The following DOCK1 variants were observed in gnomAD, a reference collection of about 807,000 sequenced individuals.
DOCK1 encodes dedicator of cytokinesis 1.
In DOCK1, 138 loss-of-function variants were observed where a neutral mutation model predicts 262.7. The ratio of observed to expected loss-of-function variants is 0.53; its 90% confidence interval spans 0.46 to 0.61. The LOEUF is 0.61. DOCK1 is among the 20% of genes least tolerant of loss of function. The pLI, the probability that DOCK1 is intolerant of heterozygous loss-of-function variation, is 0.00. For missense variants in DOCK1, 1,908 were observed against 2,370.7 expected (o/e 0.80, Z 4.05); for synonymous variants, 866 against 867.4 (o/e 1.00, Z 0.03).
intron 2 of DOCK1, among the ~76,000 whole-genome samples, chr10:126,977,668 C>A (rs1033531343): frequency 6.6e-6 from 1 of 152,178 alleles, no homozygotes; most frequent in East Asian, 1.9e-4. Context: ...AACTGTGCAT[C>A]TGAACTTCAA....
intron 32 of DOCK1, among the ~76,000 whole-genome samples, chr10:127,361,398 G>T (rs371473835): frequency 1.3e-5 from 2 of 152,172 alleles, no homozygotes; most frequent in African/African-American, 4.8e-5. Flanking sequence ...ACAGGCGTGA[G>T]CCACCACACC....
At chr10:127,301,691 A>G (rs1369860447) in intron 29 of DOCK1, among the ~76,000 whole-genome samples, 4 of 152,260 alleles carry the variant, frequency 2.6e-5, no homozygotes, top group Middle Eastern at 3.4e-3. Flanking sequence ...CATGCCTGTA[A>G]TCCCAGCACT....
intron 17 of DOCK1, 105 bp from the exon 18 acceptor site, chr10:127,032,032 A>G (rs923935426): frequency 1.2e-5 from 17 of 1,366,146 alleles, no homozygotes; most frequent in Non-Finnish European, 1.4e-5. Context: ...ATATGATACA[A>G]AGCAATTACG....
At chr10:127,127,432 CTTAAA>C (rs1263636589) in intron 26 of DOCK1, among the ~76,000 whole-genome samples, 2 of 152,176 alleles carry the variant, frequency 1.3e-5, no homozygotes, top group African/African-American at 4.8e-5. Flanking sequence ...TTAAGGTTTG[CTTAAA>C]TTAAATTACT....
intron 21 of DOCK1, among the ~76,000 whole-genome samples, chr10:127,050,405 TTACCCTC>T (rs55910565): frequency 0.19 from 29,119 of 151,814 alleles, 3,025 homozygotes; most frequent in East Asian, 0.27. Flanking sequence ...TATTGCCACT[TTACCCTC>T]TAAAAAATTT....
At chr10:127,272,276 A>G (rs936399806) in intron 29 of DOCK1, 6 of 152,208 alleles carry the variant, frequency 3.9e-5, no homozygotes, top group Non-Finnish European at 7.3e-5. Context: ...TGATCTTTTC[A>G]GTTCAGTGGA....
intron 38 of DOCK1, among the ~76,000 whole-genome samples, chr10:127,393,838 T>C (rs562993702): frequency 1.3e-5 from 2 of 152,314 alleles, no homozygotes; most frequent in African/African-American, 4.8e-5. Context: ...CTCTGCAAAA[T>C]GTCATTTCCA....
intron 29 of DOCK1, among the ~76,000 whole-genome samples, chr10:127,309,659 G>T (rs2061993656): frequency 6.6e-6 from 1 of 152,040 alleles, no homozygotes; most frequent in Non-Finnish European, 1.5e-5. Context: ...TCTGCATATG[G>T]CTAGCCAGTT....
At chr10:127,415,370 A>C in intron 44 of DOCK1, 132 bp downstream of exon 44, 1 of 727,148 alleles carries the variant, frequency 1.4e-6, no homozygotes. Context: ...AGTTCCCATA[A>C]CCACCCCACC....
At chr10:127,037,684 C>G (rs1156489261) in intron 18 of DOCK1, 35 bp from the exon 19 acceptor site, 1 of 1,527,508 alleles carries the variant, frequency 6.5e-7, no homozygotes, top group African/African-American at 1.4e-5. Context: ...GAGTTTCTTG[C>G]TTGTGAAGAT....
intron 46 of DOCK1, among the ~76,000 whole-genome samples, chr10:127,422,228 G>A (rs574992026): frequency 2.5e-4 from 35 of 140,906 alleles, no homozygotes; most frequent in Middle Eastern, 3.8e-3. Flanking sequence ...GTGCAGTGGC[G>A]TGATCTTGGC....
chr10:126,980,557 G>C (rs1183242481), intron 3 of DOCK1, among the ~76,000 whole-genome samples: 1 of 152,116 alleles, frequency 6.6e-6, no homozygotes, highest in Non-Finnish European at 1.5e-5. Context: ...CCCTCTCTGT[G>C]ATAATTCTTC....
Position 126,999,438 on chromosome 10 carries a change from A to G in DOCK1, c.849+3A>G. Reference sequence around the variant, plus strand: ...ATAATTTGCGAGCCGTGTTTACTGTAAGTGCACCCAAAGATGCTTAGTTGA... The same window carrying G: ...ATAATTTGCGAGCCGTGTTTACTGTGAGTGCACCCAAAGATGCTTAGTTGA... On this transcript the variant is annotated splice_donor_region_variant and intron_variant, in intron 9 of 51. Transcript: ENST00000623213. The G allele has an allele frequency of 6.2e-7, 1 of 1,611,984 alleles. No homozygotes were observed. The highest frequency in any genetic ancestry group is 8.5e-7 in the Non-Finnish European group (1 of 1,178,740).
At chr10:127,261,660 GGT>G (rs1471177311) in intron 29 of DOCK1, among the ~76,000 whole-genome samples, 15 of 76,834 alleles carry the variant, frequency 2.0e-4, no homozygotes, top group Non-Finnish European at 3.3e-4. Flanking sequence ...TGTGCATGTG[GGT>G]GTGTGTGTAC....
chr10:127,133,936 C>T (rs1308398466), intron 27 of DOCK1, among the ~76,000 whole-genome samples: 9 of 152,156 alleles, frequency 5.9e-5, no homozygotes, highest in East Asian at 1.9e-4. Flanking sequence ...TCAAAGAAGA[C>T]GTGCTGGTGT....
intron 23 of DOCK1, among the ~76,000 whole-genome samples, chr10:127,063,281 C>T (rs1024424717): frequency 6.6e-6 from 1 of 152,104 alleles, no homozygotes; most frequent in African/African-American, 2.4e-5. Context: ...TTGGTCAAGT[C>T]GCTTCCCAGC....
Position 127,404,540 on chromosome 10 carries a change from C to G in DOCK1, c.4122+111C>G, listed in dbSNP as rs1480901725. ...TGCATCCGCGTGGGATCGTGCAACT[C>G]TCTACACTGCCATAGCTCGGTGGTT... On this transcript the variant is annotated intron_variant, in intron 40 of 51. Coordinates refer to ENST00000623213, the MANE Select transcript of DOCK1 (RefSeq NM_001290223.2). 4.9e-5 allele frequency: 47 copies of G among 958,048 alleles called. 1 individual carries two copies. In the South Asian group the frequency reaches 6.0e-4, roughly 12 times the overall value. 59.3% of individuals were successfully genotyped at this position (958,048 alleles called of 1,614,324 possible).
chr10:127,113,043 T>C (rs1210036672), intron 25 of DOCK1, among the ~76,000 whole-genome samples: 1 of 152,194 alleles, frequency 6.6e-6, no homozygotes, highest in East Asian at 1.9e-4. Flanking sequence ...GTCATTACTT[T>C]TGCAAAATAT....
intron 5 of DOCK1, among the ~76,000 whole-genome samples, chr10:126,989,038 A>G (rs2039609826): frequency 6.7e-6 from 1 of 149,046 alleles, no homozygotes; most frequent in East Asian, 2.0e-4. Context: ...GCGCCACTGC[A>G]CTCCAGCCTG....
Sources: gnomAD v4.1 joint callset for allele counts (sites outside exome capture counted in the v4.1 genomes callset) on GRCh38, gnomAD v4.1.1 for gene constraint, MANE v1.5 for transcripts, NCBI Gene and HGNC (gene_info 2026-07-23, HGNC 2026-07-21) for gene names.